TNFRSF11A: variants seen among roughly 807,000 people sequenced by gnomAD.
TNFRSF11A encodes tumor necrosis factor receptor superfamily member 11A.
A neutral mutation model predicts 55.7 loss-of-function variants in TNFRSF11A; 32 were observed. That is an observed-to-expected ratio of 0.57 (90% confidence interval 0.43 to 0.77). The LOEUF (loss-of-function observed/expected upper bound fraction) is 0.77, where lower values mean the gene tolerates loss of function less well. Ranked by LOEUF, TNFRSF11A falls within the 30% of genes least tolerant of loss-of-function variation. TNFRSF11A has a pLI of 0.00. For missense variants in TNFRSF11A, 753 were observed against 809.8 expected, an observed-to-expected ratio of 0.93 and a Z score of 0.85; for synonymous variants, 311 against 331.0, an observed-to-expected ratio of 0.94 and a Z score of 0.65.
At chr18:62,348,677 G>A (rs542401295) in intron 2 of TNFRSF11A, among the ~76,000 whole-genome samples, 6 of 152,232 alleles carry the variant, frequency 3.9e-5, no homozygotes, top group African/African-American at 9.6e-5. Flanking sequence ...AACCCTTGTC[G>A]TACCTTTTTC....
At chr18:62,374,177 T>C (rs1346715715) in intron 9 of TNFRSF11A, 1 of 152,188 alleles carries the variant, frequency 6.6e-6, no homozygotes, top group Non-Finnish European at 1.5e-5. Flanking sequence ...TATTTCAAAA[T>C]ATACAAAAAA....
chr18:62,328,527 G>C (rs1451873693), intron 1 of TNFRSF11A, among the ~76,000 whole-genome samples: 1 of 152,158 alleles, frequency 6.6e-6, no homozygotes, highest in Non-Finnish European at 1.5e-5. Context: ...TTATAGTTTT[G>C]AGGTAACTCT....
chr18:62,349,275 T>C (rs893086210), intron 2 of TNFRSF11A, among the ~76,000 whole-genome samples: 4 of 151,666 alleles, frequency 2.6e-5, no homozygotes, highest in African/African-American at 9.7e-5. Flanking sequence ...CTCCCAGAGG[T>C]TGAGGCAGCA....
chr18:62,338,667 G>A (rs1297891652), intron 1 of TNFRSF11A, among the ~76,000 whole-genome samples: 2 of 152,144 alleles, frequency 1.3e-5, no homozygotes, highest in African/African-American at 4.8e-5. Flanking sequence ...CTTGAGGGAG[G>A]GGGAATGGGG....
intron 6 of TNFRSF11A, among the ~76,000 whole-genome samples, chr18:62,360,837 G>A (rs1909632361): frequency 1.3e-5 from 2 of 152,148 alleles, no homozygotes; most frequent in Admixed American, 1.3e-4. Context: ...GTGGAGGTGT[G>A]GGTCCAGATA....
chr18:62,329,494 C>G (rs182154706), intron 1 of TNFRSF11A, among the ~76,000 whole-genome samples: 2 of 152,332 alleles, frequency 1.3e-5, no homozygotes, highest in Admixed American at 1.3e-4. Context: ...GACGGCCTTT[C>G]TGTGTATTTC....
chr18:62,381,627 T>C (rs964434664), intron 9 of TNFRSF11A, among the ~76,000 whole-genome samples: 2 of 152,216 alleles, frequency 1.3e-5, no homozygotes, highest in African/African-American at 2.4e-5. Flanking sequence ...GTTTTGCATT[T>C]AATCTCATCT....
chr18:62,349,027 A>C (rs1018285130), intron 2 of TNFRSF11A, among the ~76,000 whole-genome samples: 8 of 152,230 alleles, frequency 5.3e-5, no homozygotes, highest in African/African-American at 1.9e-4. Context: ...AGTTAACAAG[A>C]AGTTGCCTAT....
At chr18:62,370,797 G>A (rs780335808) in intron 9 of TNFRSF11A, among the ~76,000 whole-genome samples, 12 of 151,078 alleles carry the variant, frequency 7.9e-5, no homozygotes, top group South Asian at 2.1e-4. Context: ...TTTGCTGTTC[G>A]TTTGCATTGT....
Position 62,369,030 on chromosome 18 carries a change from A to C in TNFRSF11A, c.1113A>C (p.Thr371=). ...TCACTGAGCCTGGAAGCAAATCCAC[A>C]CCTCCTTTCTCTGAACCCCTGGAGG... ...LFLTEPGSKS[T]PPFSEPLEVG... The change falls in exon 9 of 10, where the codon ACA becomes ACC. Residue 371 remains threonine (T), a synonymous_variant. Coordinates refer to ENST00000586569, the MANE Select transcript of TNFRSF11A (RefSeq NM_003839.4). 1.2e-6 allele frequency: 2 copies of C among 1,614,128 alleles called. No homozygotes were observed. The highest frequency in any genetic ancestry group is 1.7e-6 in the Non-Finnish European group (2 of 1,180,014).
chr18:62,356,359 A>AT (rs943882229), intron 4 of TNFRSF11A, among the ~76,000 whole-genome samples: 1 of 152,174 alleles, frequency 6.6e-6, no homozygotes, highest in Non-Finnish European at 1.5e-5. Context: ...GTCTGACTTG[A>AT]TTTTTTAATG....
Position 62,387,474 on chromosome 18 carries a change from T to C in TNFRSF11A, c.*2440T>C, listed in dbSNP as rs746606706. On this transcript the variant is annotated 3_prime_UTR_variant, in exon 10 of 10. Coordinates refer to ENST00000586569, the MANE Select transcript of TNFRSF11A (RefSeq NM_003839.4). ...CACTGTAAAATCATGATCCAACTTATTGCTAATCTTTATGATATGCTTATT... is the reference window on the plus strand; with the variant it reads ...CACTGTAAAATCATGATCCAACTTACTGCTAATCTTTATGATATGCTTATT... The C allele has an allele frequency of 5.3e-5, 8 of 152,254 alleles. No homozygotes were observed. The highest frequency in any genetic ancestry group is 1.2e-4 in the Non-Finnish European group (8 of 68,042). The allele number at this position is 152,254 out of a possible 1,614,324, so 9.4% of individuals were successfully genotyped here. A position where few individuals can be genotyped will look rare whatever the true frequency, so the allele number is the denominator to read the frequency against.
At chr18:62,361,206 G>A (rs537402173) in intron 6 of TNFRSF11A, among the ~76,000 whole-genome samples, 1 of 152,328 alleles carries the variant, frequency 6.6e-6, no homozygotes, top group Admixed American at 6.5e-5. Flanking sequence ...TTGGGTCCAC[G>A]TGGTGTCGGG....
chr18:62,366,842 ACCC>A, intron 8 of TNFRSF11A, 82 bp downstream of exon 8: 1 of 1,185,800 alleles, frequency 8.4e-7, no homozygotes, highest in Non-Finnish European at 1.2e-6. Context: ...CATATTGAGC[ACCC>A]CCCCCCACCC....
chr18:62,378,326 G>A (rs1911036555), intron 9 of TNFRSF11A, among the ~76,000 whole-genome samples: 1 of 152,238 alleles, frequency 6.6e-6, no homozygotes, highest in Admixed American at 6.5e-5. Context: ...TGAGAAATGA[G>A]ACTGTGGGGT....
At chr18:62,341,985 C>G (rs1308736145) in intron 1 of TNFRSF11A, among the ~76,000 whole-genome samples, 1 of 151,732 alleles carries the variant, frequency 6.6e-6, no homozygotes, top group Admixed American at 6.6e-5. Context: ...TCCCTGAAGC[C>G]CAACTCAGTT....
chr18:62,354,405 G>T lies in TNFRSF11A; in HGVS notation c.298G>T (p.Ala100Ser). 1 of 1,583,608 alleles carries T rather than the reference G, an allele frequency of 6.3e-7. No homozygotes were observed. The change falls in exon 4 of 10, where the codon GCC becomes TCC. Residue 100 changes from alanine (A) to serine (S), a missense_variant. Coordinates refer to ENST00000586569, the MANE Select transcript of TNFRSF11A (RefSeq NM_003839.4). ...GTCTCCCGCAGGCAAGGCCCTGGTGGCCGTGGTCGCCGGCAACAGCACGAC... is the reference window on the plus strand; with the variant it reads ...GTCTCCCGCAGGCAAGGCCCTGGTGTCCGTGGTCGCCGGCAACAGCACGAC... ...KVCDTGKALV[A>S]VVAGNSTTPR...
intron 9 of TNFRSF11A, among the ~76,000 whole-genome samples, chr18:62,375,572 T>C (rs1489294676): frequency 1.3e-5 from 2 of 152,196 alleles, no homozygotes; most frequent in East Asian, 3.9e-4. Context: ...GTTTTGTCAG[T>C]GATATTATAG....
In TNFRSF11A at chr18:62,325,336, C is replaced by A. The variant is rs1231536674; in HGVS notation, c.-17C>A. ...GAGGCCGCTGAGGCCGCGGCGCCCGCCAGCCTGTCCCGCGCCATGGCCCCG... is the reference window on the plus strand; with the variant it reads ...GAGGCCGCTGAGGCCGCGGCGCCCGACAGCCTGTCCCGCGCCATGGCCCCG... On this transcript the variant is annotated 5_prime_UTR_variant, in exon 1 of 10. Transcript: ENST00000586569. This position sits in a 1 kb window ranked among gnomAD's most constrained non-coding sequence, Gnocchi z 4.7. The A allele has an allele frequency of 9.9e-7, 1 of 1,011,198 alleles. No individual in the cohort carries two copies. Among genetic ancestry groups the A allele is most frequent in the Non-Finnish European group, 1.2e-6 (1 of 847,116 alleles). 62.6% of individuals were successfully genotyped at this position (1,011,198 alleles called of 1,614,324 possible).
Sources: gnomAD v4.1 joint callset for allele counts (sites outside exome capture counted in the v4.1 genomes callset) on GRCh38, gnomAD v4.1.1 for gene constraint, Gnocchi (gnomAD v3.1) non-coding constraint, MANE v1.5 for transcripts, NCBI Gene and HGNC (gene_info 2026-07-23, HGNC 2026-07-21) for gene names.